SEMA6A: variants seen among roughly 807,000 people sequenced by gnomAD.
SEMA6A encodes semaphorin 6A.
In SEMA6A, 25 loss-of-function variants were observed where a neutral mutation model predicts 96.8. The ratio of observed to expected loss-of-function variants is 0.26; its 90% confidence interval spans 0.19 to 0.36. The LOEUF (loss-of-function observed/expected upper bound fraction) is 0.36. Ranked by LOEUF, SEMA6A falls within the 10% of genes least tolerant of loss-of-function variation. The pLI, the probability that SEMA6A is intolerant of heterozygous loss-of-function variation, is 1.00. For synonymous variants in SEMA6A, 612 were observed against 518.0 expected, an observed-to-expected ratio of 1.18 and a Z score of -2.46; for missense variants, 1,363 against 1,323.1, an observed-to-expected ratio of 1.03 and a Z score of -0.47.
At chr5:116,548,274 C>T (rs1387400859) in intron 1 of SEMA6A, among the ~76,000 whole-genome samples, 3 of 152,304 alleles carry the variant, frequency 2.0e-5, no homozygotes, top group Middle Eastern at 3.4e-3. Context: ...ATTTAGATGC[C>T]ATGCCCAAGG....
intron 1 of SEMA6A, among the ~76,000 whole-genome samples, chr5:116,546,892 T>C (rs986953690): frequency 6.6e-6 from 1 of 152,228 alleles, no homozygotes; most frequent in East Asian, 1.9e-4. Flanking sequence ...TCATTATCGC[T>C]AGTCTGAGCA....
chr5:116,494,810 G>A (rs779612385), intron 6 of SEMA6A, among the ~76,000 whole-genome samples: 4 of 152,186 alleles, frequency 2.6e-5, no homozygotes, highest in Admixed American at 6.5e-5. Flanking sequence ...TGCCACCTCT[G>A]CTTCCAGGCC....
chr5:116,450,515 A>G (rs1754557873), intron 18 of SEMA6A, among the ~76,000 whole-genome samples: 3 of 152,232 alleles, frequency 2.0e-5, no homozygotes, highest in South Asian at 2.1e-4. Flanking sequence ...CCTTACTTTT[A>G]GCTCCCAAAT....
intron 1 of SEMA6A, among the ~76,000 whole-genome samples, chr5:116,529,276 A>T (rs1398405111): frequency 2.0e-5 from 3 of 152,196 alleles, no homozygotes; most frequent in Non-Finnish European, 4.4e-5. Flanking sequence ...GAGGTTGGTT[A>T]ACAGATACAA....
intron 1 of SEMA6A, among the ~76,000 whole-genome samples, chr5:116,556,520 C>T (rs967023496): frequency 6.6e-6 from 1 of 152,152 alleles, no homozygotes; most frequent in South Asian, 2.1e-4. Context: ...TCATCAGACT[C>T]CCTTTATGAG....
rs1273537361 is a variant in SEMA6A, at chr5:116,447,071, G to T, written c.2635C>A (p.Pro879Thr). ...GAGGCCTCCCGCTGTGGAACTTTGG[G>T]GGGCAGGCTGTCCAGGTTCTCCACA... ...NLVENLDSLP[P>T]KVPQREASLG... is the part of the protein sequence containing the mutation. Residue 879 changes from proline to threonine, a missense_variant, in exon 19 of 19, where the codon CCC (proline) becomes ACC (threonine). By Grantham distance (38) the Pro-to-Thr change is conservative. Around this residue, in one of 2 missense-constraint regions of SEMA6A, gnomAD observed 883 missense variants for 763.6 expected, o/e 1.16. Transcript: ENST00000343348. 1 of 1,613,936 alleles carries T rather than the reference G, an allele frequency of 6.2e-7. No individual in the cohort carries two copies. Among genetic ancestry groups the T allele is most frequent in the Non-Finnish European group, 8.5e-7 (1 of 1,179,854 alleles).
rs1333904420 is a variant in SEMA6A at position 116,447,454 on chromosome 5, T to G, written c.2252A>C (p.Asp751Ala). ...MLIKADQHHL[D>A]LTALPTPEST... ...CTCTGGGGTGGGGAGGGCCGTCAGG[T>G]CCAGGTGGTGCTGGTCTGCTTTAAT... The change falls in exon 19 of 19, where the codon GAC becomes GCC. Residue 751 changes from aspartate (D) to alanine (A), a missense_variant. By Grantham distance (126) the Asp-to-Ala change is moderately radical. Coordinates refer to ENST00000343348, the MANE Select transcript of SEMA6A (RefSeq NM_020796.5). 1 of 1,613,946 alleles carries G rather than the reference T, an allele frequency of 6.2e-7. No homozygotes were observed. The highest frequency in any genetic ancestry group is 8.5e-7 in the Non-Finnish European group (1 of 1,179,906).
chr5:116,551,907 G>A (rs1760431022), intron 1 of SEMA6A, among the ~76,000 whole-genome samples: 1 of 152,202 alleles, frequency 6.6e-6, no homozygotes, highest in African/African-American at 2.4e-5. Context: ...TCAACTTTCT[G>A]ACAGCTATCG....
intron 1 of SEMA6A, among the ~76,000 whole-genome samples, chr5:116,511,170 A>G (rs1290896188): frequency 6.6e-6 from 1 of 152,208 alleles, no homozygotes; most frequent in Non-Finnish European, 1.5e-5. Context: ...TAGTTTTTGT[A>G]TGTAACCTAT....
intron 18 of SEMA6A, among the ~76,000 whole-genome samples, chr5:116,450,633 G>T (rs898094050): frequency 1.3e-5 from 2 of 152,184 alleles, no homozygotes; most frequent in African/African-American, 4.8e-5. Flanking sequence ...TTTGAGTTCA[G>T]GTTTTTGGTT....
chr5:116,495,047 A>G (rs1757519615), intron 6 of SEMA6A, among the ~76,000 whole-genome samples: 1 of 152,100 alleles, frequency 6.6e-6, no homozygotes, highest in South Asian at 2.1e-4. Flanking sequence ...AATAGAAATC[A>G]CTCACCATAT....
At chr5:116,521,325 T>C (rs1272402687) in intron 1 of SEMA6A, among the ~76,000 whole-genome samples, 2 of 152,218 alleles carry the variant, frequency 1.3e-5, no homozygotes, top group Non-Finnish European at 2.9e-5. Flanking sequence ...GGTTTAACTC[T>C]ACTCTTGTCT....
chr5:116,495,596 C>G, intron 5 of SEMA6A, 82 bp from the exon 6 acceptor site: 2 of 1,049,420 alleles, frequency 1.9e-6, no homozygotes, highest in Admixed American at 2.2e-5. Context: ...GGTTGGCTGA[C>G]AGTAAGGTTA....
chr5:116,510,531 G>A (rs528991664), intron 1 of SEMA6A, among the ~76,000 whole-genome samples: 10 of 152,234 alleles, frequency 6.6e-5, no homozygotes, highest in African/African-American at 2.2e-4. Context: ...GGGTAAAATA[G>A]TGTCTTGGAG....
intron 1 of SEMA6A, among the ~76,000 whole-genome samples, chr5:116,522,108 G>T (rs575606078): frequency 2.0e-5 from 3 of 152,262 alleles, no homozygotes; most frequent in African/African-American, 7.2e-5. Flanking sequence ...TTAAAGTGTC[G>T]TGAATATTGC....
chr5:116,537,934 T>C lies in SEMA6A; in HGVS notation c.-38-32952A>G, dbSNP rs149046595. On this transcript the variant is annotated intron_variant, in intron 1 of 18. Transcript: ENST00000343348. Reference sequence around the variant, plus strand: ...TCTCATGCCTATAATCCCAGCACTTTGGGAGGCCGAGGCGGGCGGATCATG... The same window carrying C: ...TCTCATGCCTATAATCCCAGCACTTCGGGAGGCCGAGGCGGGCGGATCATG... Among the ~76,000 whole-genome samples, 1,126 of 152,242 alleles carry C rather than the reference T, an allele frequency of 7.4e-3. 14 individuals are homozygous for C. Among genetic ancestry groups the C allele is most frequent in the African/African-American group, 0.025 (1,053 of 41,552 alleles).
At chr5:116,521,270 T>C (rs1297417473) in intron 1 of SEMA6A, among the ~76,000 whole-genome samples, 1 of 152,210 alleles carries the variant, frequency 6.6e-6, no homozygotes, top group African/African-American at 2.4e-5. Context: ...AGCACTGGCT[T>C]GTTACTAAGG....
In SEMA6A at chr5:116,484,852, G is replaced by C. The variant is rs988946575; in HGVS notation, c.962+1897C>G. On this transcript the variant is annotated intron_variant, in intron 10 of 18. Transcript: ENST00000343348. ...TGGCACATTCAAGGAGCAGATCTTTGCTCCGATCAGCCCATGGCACAGGCT... is the reference window on the plus strand; with the variant it reads ...TGGCACATTCAAGGAGCAGATCTTTCCTCCGATCAGCCCATGGCACAGGCT... Among the ~76,000 whole-genome samples the C allele has an allele frequency of 3.9e-4, 60 of 152,184 alleles. 1 individual carries two copies. Among genetic ancestry groups the C allele is most frequent in the Non-Finnish European group, 1.2e-4 (8 of 68,028 alleles).
chr5:116,536,049 T>C (rs1429173718), intron 1 of SEMA6A, among the ~76,000 whole-genome samples: 5 of 152,234 alleles, frequency 3.3e-5, no homozygotes, highest in African/African-American at 1.2e-4. Context: ...CAGTTCTTTC[T>C]AACTACAAGT....
Sources: gnomAD v4.1 joint callset for allele counts (sites outside exome capture counted in the v4.1 genomes callset) on GRCh38, gnomAD v4.1.1 for gene constraint, gnomAD v4.1.1 regional missense constraint, MANE v1.5 for transcripts, NCBI Gene and HGNC (gene_info 2026-07-23, HGNC 2026-07-21) for gene names.